BBX: variants seen among roughly 807,000 people sequenced by gnomAD.
BBX encodes BBX high mobility group box domain containing, also known as HMG box transcription factor BBX.
Under a neutral mutation model 100.2 loss-of-function variants are expected in BBX, and 30 were observed. The observed-to-expected ratio is 0.30, with a 90% CI of 0.22 to 0.41. The LOEUF (loss-of-function observed/expected upper bound fraction) is 0.41, where lower values mean the gene tolerates loss of function less well. Among genes scored for constraint, BBX ranks in the 10% least tolerant of loss-of-function variants. The pLI is 1.00. For synonymous variants in BBX, 376 were observed against 388.1 expected (o/e 0.97, Z 0.37); for missense variants, 1,023 against 1,129.8 (o/e 0.91, Z 1.35).
chr3:107,593,728 C>G (rs2053492808), intron 2 of BBX, among the ~76,000 whole-genome samples: 1 of 152,150 alleles, frequency 6.6e-6, no homozygotes, highest in Admixed American at 6.6e-5. Flanking sequence ...AATGGGCAAA[C>G]TGTGATTTCT....
chr3:107,747,174 G>C (rs965786391), intron 8 of BBX, among the ~76,000 whole-genome samples: 1 of 152,112 alleles, frequency 6.6e-6, no homozygotes, highest in African/African-American at 2.4e-5. Context: ...TCCCCTAGTT[G>C]AATCAAGTGT....
chr3:107,799,659 A>C (rs917633933), intron 16 of BBX, among the ~76,000 whole-genome samples: 1 of 152,106 alleles, frequency 6.6e-6, no homozygotes, highest in Non-Finnish European at 1.5e-5. Flanking sequence ...AATGCATCCA[A>C]CATTCACTTC....
At chr3:107,671,033 C>A (rs1168009004) in intron 3 of BBX, among the ~76,000 whole-genome samples, 1 of 151,602 alleles carries the variant, frequency 6.6e-6, no homozygotes, top group African/African-American at 2.4e-5. Context: ...CTGTTTTATC[C>A]TTAAACATGT....
At chr3:107,603,814 C>G (rs987380417) in intron 2 of BBX, among the ~76,000 whole-genome samples, 1 of 151,886 alleles carries the variant, frequency 6.6e-6, no homozygotes, top group African/African-American at 2.4e-5. Flanking sequence ...TGATCACTAG[C>G]GTTTTTAAAA....
At chr3:107,639,984 ACCCCTTAGTTTTTATCT>A (rs757499539) in intron 2 of BBX, among the ~76,000 whole-genome samples, 9 of 152,160 alleles carry the variant, frequency 5.9e-5, no homozygotes, top group Non-Finnish European at 1.2e-4. Context: ...ATGCTTTTCT[ACCCCTTAGTTTTTATCT>A]CTAATGAGAT....
chr3:107,661,654 T>G (rs1367219864), intron 3 of BBX, among the ~76,000 whole-genome samples: 1 of 152,204 alleles, frequency 6.6e-6, no homozygotes, highest in Non-Finnish European at 1.5e-5. Flanking sequence ...AAACCCAAGT[T>G]CAGATTGCCA....
chr3:107,547,591 T>C (rs1327822494), intron 2 of BBX, among the ~76,000 whole-genome samples: 5 of 152,172 alleles, frequency 3.3e-5, no homozygotes, highest in Non-Finnish European at 1.5e-5. Flanking sequence ...AATAAATGAA[T>C]AAAATATGAT....
intron 2 of BBX, among the ~76,000 whole-genome samples, chr3:107,574,364 G>A (rs560034660): frequency 6.6e-6 from 1 of 152,280 alleles, no homozygotes; most frequent in Admixed American, 6.5e-5. Flanking sequence ...TTTGGGTACA[G>A]GTTATTTCAC....
chr3:107,741,954 A>G (rs546578219), intron 7 of BBX, among the ~76,000 whole-genome samples: 1 of 152,328 alleles, frequency 6.6e-6, no homozygotes, highest in East Asian at 1.9e-4. Context: ...CAAGTACTCA[A>G]TAATGAATTC....
intron 2 of BBX, among the ~76,000 whole-genome samples, chr3:107,618,572 T>C (rs1036511970): frequency 8.5e-5 from 13 of 152,102 alleles, no homozygotes; most frequent in Admixed American, 5.2e-4. Context: ...TTTCCTGTTC[T>C]ACTCATGTTG....
At chr3:107,533,969 AT>A (rs2048329937) in intron 2 of BBX, among the ~76,000 whole-genome samples, 1 of 152,172 alleles carries the variant, frequency 6.6e-6, no homozygotes, top group Non-Finnish European at 1.5e-5. Context: ...AAATGTTCAG[AT>A]CTTGCCTTTT....
rs1460362909 is a variant in BBX, at chr3:107,801,293, A to G, written c.2738+12A>G. The G allele has an allele frequency of 6.2e-7, 1 of 1,608,876 alleles. No individual in the cohort carries two copies. The highest frequency in any genetic ancestry group is 1.3e-5 in the African/African-American group (1 of 74,642). On this transcript the variant is annotated intron_variant, in intron 17 of 17. Coordinates refer to ENST00000325805, the MANE Select transcript of BBX (RefSeq NM_001142568.3). ...GAAAATGTGCACAGGTTAGTGGTAG[A>G]AGGTGGAAGGAGAAAGCAACATGGA... is the stretch of plus-strand genomic sequence containing the variant.
At chr3:107,550,571 G>A (rs540275078) in intron 2 of BBX, among the ~76,000 whole-genome samples, 4 of 152,318 alleles carry the variant, frequency 2.6e-5, no homozygotes, top group East Asian at 3.9e-4. Context: ...GCATGCCAGA[G>A]ATTGGGAAGT....
intron 2 of BBX, among the ~76,000 whole-genome samples, chr3:107,621,925 G>A (rs1290339792): frequency 6.6e-6 from 1 of 151,786 alleles, no homozygotes; most frequent in Non-Finnish European, 1.5e-5. Context: ...TTTAAACATG[G>A]GGCCTAAAAA....
chr3:107,576,049 G>A (rs911361970), intron 2 of BBX, among the ~76,000 whole-genome samples: 5 of 152,010 alleles, frequency 3.3e-5, no homozygotes, highest in Non-Finnish European at 5.9e-5. Context: ...GTAAAGTGAT[G>A]AGAAAAAGAA....
chr3:107,756,358 G>A (rs1426922933), intron 10 of BBX, among the ~76,000 whole-genome samples: 2 of 152,130 alleles, frequency 1.3e-5, no homozygotes, highest in East Asian at 3.8e-4. Context: ...TCAGCACCAG[G>A]ACATTCTAGT....
At chr3:107,722,085 G>T (rs184732543) in intron 5 of BBX, among the ~76,000 whole-genome samples, 38 of 151,984 alleles carry the variant, frequency 2.5e-4, no homozygotes, top group Admixed American at 2.0e-4. Context: ...GCCCAATTTG[G>T]CCAATACTGT....
intron 2 of BBX, among the ~76,000 whole-genome samples, chr3:107,628,800 A>G (rs2056368649): frequency 6.6e-6 from 1 of 152,128 alleles, no homozygotes; most frequent in Non-Finnish European, 1.5e-5. Context: ...TGTCCTTCAC[A>G]GCTTGTTTTT....
At chr3:107,744,549 G>A (rs368275155) in intron 7 of BBX, 81 bp from the exon 8 acceptor site, 21 of 1,023,702 alleles carry the variant, frequency 2.1e-5, no homozygotes, top group East Asian at 9.7e-5. Flanking sequence ...AATAAAGATC[G>A]CAAATGAAGA....
Sources: gnomAD v4.1 joint callset for allele counts (sites outside exome capture counted in the v4.1 genomes callset) on GRCh38, gnomAD v4.1.1 for gene constraint, MANE v1.5 for transcripts, NCBI Gene and HGNC (gene_info 2026-07-23, HGNC 2026-07-21) for gene names.